Variants in ARHGAP22 observed in about 807,000 individuals in gnomAD.
ARHGAP22 encodes Rho GTPase activating protein 22, also known as rho GTPase-activating protein 22.
A neutral mutation model predicts 59.1 loss-of-function variants in ARHGAP22; 48 were observed. The ratio of observed to expected loss-of-function variants is 0.81; its 90% CI spans 0.64 to 1.03. The LOEUF is 1.03. Among genes scored for constraint, ARHGAP22 ranks in the 50% least tolerant of loss-of-function variants. ARHGAP22 has a pLI of 0.00. For synonymous variants in ARHGAP22, 445 were observed against 416.4 expected, an observed-to-expected ratio of 1.07 and a Z score of -0.84; for missense variants, 1,015 against 958.7, an observed-to-expected ratio of 1.06 and a Z score of -0.78.
chr10:48,592,826 T>C (rs906894001), intron 1 of ARHGAP22, among the ~76,000 whole-genome samples: 3 of 152,214 alleles, frequency 2.0e-5, no homozygotes, highest in Non-Finnish European at 4.4e-5. Flanking sequence ...CCCAGCTGCT[T>C]TGTTTCTCAC....
chr10:48,495,724 G>A (rs1259008367), intron 3 of ARHGAP22, among the ~76,000 whole-genome samples: 1 of 152,194 alleles, frequency 6.6e-6, no homozygotes, highest in African/African-American at 2.4e-5. Flanking sequence ...AATAGAATGT[G>A]GCAAAAATTG....
chr10:48,514,081 A>T (rs1332096648), intron 3 of ARHGAP22, among the ~76,000 whole-genome samples: 1 of 152,166 alleles, frequency 6.6e-6, no homozygotes, highest in Non-Finnish European at 1.5e-5. Flanking sequence ...GTAAACTTGA[A>T]GATAGGTTAA....
intron 4 of ARHGAP22, chr10:48,479,295 C>G (rs907903691): frequency 2.7e-5 from 11 of 407,356 alleles, no homozygotes; most frequent in South Asian, 1.5e-4. Context: ...CCCCTGGACA[C>G]CACGAGACAC....
In ARHGAP22 at chr10:48,585,976, G is replaced by A. The variant is rs529188713; in HGVS notation, c.35-2824C>T. On this transcript the variant is annotated intron_variant, in intron 1 of 9. Coordinates refer to ENST00000249601, the MANE Select transcript of ARHGAP22 (RefSeq NM_021226.4). The stretch of plus-strand genomic sequence containing the variant: ...ACAGCCCCCTCTGAAGCCCAACAGC[G>A]CCCTGAAACTGGGCTTGAGCTTCAC... Among the ~76,000 whole-genome samples, 72 of 152,198 alleles carry A rather than the reference G, an allele frequency of 4.7e-4. 2 individuals carry two copies. The highest frequency in any genetic ancestry group is 3.7e-3 in the Admixed American group (56 of 15,294).
At chr10:48,653,909 C>T (rs574032862), upstream of ARHGAP22, among the ~76,000 whole-genome samples, 5 of 152,258 alleles carry the variant, frequency 3.3e-5, no homozygotes, top group African/African-American at 9.6e-5. Flanking sequence ...CTAAATATTG[C>T]GTGGGACATA....
upstream of ARHGAP22, among the ~76,000 whole-genome samples, chr10:48,653,587 G>A (rs1267525221): frequency 1.3e-5 from 2 of 152,242 alleles, no homozygotes; most frequent in Admixed American, 6.5e-5. Context: ...GGCAGCAGGC[G>A]AGCACTCAAC....
chr10:48,652,407 G>T, exon 1 of ARHGAP22: 2 of 814,364 alleles, frequency 2.5e-6, no homozygotes, highest in Middle Eastern at 2.3e-4. Flanking sequence ...CTATAGAAAA[G>T]AAATATATTT....
chr10:48,457,584 C>T (rs1008109465), intron 5 of ARHGAP22, among the ~76,000 whole-genome samples: 1 of 152,148 alleles, frequency 6.6e-6, no homozygotes, highest in African/African-American at 2.4e-5. Context: ...GGCTCCGGCC[C>T]ACAGGAGGCT....
intron 4 of ARHGAP22, among the ~76,000 whole-genome samples, chr10:48,469,127 C>A (rs189811516): frequency 1.7e-4 from 26 of 152,346 alleles, no homozygotes; most frequent in African/African-American, 6.3e-4. Flanking sequence ...GGTTTCCCTG[C>A]CTGTGTCTTC....
intron 2 of ARHGAP22, among the ~76,000 whole-genome samples, chr10:48,562,898 C>T (rs955716720): frequency 6.6e-6 from 1 of 152,158 alleles, no homozygotes; most frequent in Non-Finnish European, 1.5e-5. Context: ...AATGTAGCGG[C>T]TCAAAACAAC....
At chr10:48,573,871 T>A (rs2058547778) in intron 2 of ARHGAP22, among the ~76,000 whole-genome samples, 1 of 152,144 alleles carries the variant, frequency 6.6e-6, no homozygotes, top group African/African-American at 2.4e-5. Flanking sequence ...TTCCAAATAT[T>A]ATGGTTTTTT....
intron 2 of ARHGAP22, among the ~76,000 whole-genome samples, chr10:48,568,020 C>T (rs1305878310): frequency 1.3e-5 from 2 of 152,068 alleles, no homozygotes; most frequent in Non-Finnish European, 2.9e-5. Flanking sequence ...CTGGTAAATC[C>T]ATTTAACTAA....
At chr10:48,630,973 GT>G (rs1276079184) in intron 1 of ARHGAP22, among the ~76,000 whole-genome samples, 2 of 152,200 alleles carry the variant, frequency 1.3e-5, no homozygotes, top group African/African-American at 4.8e-5. Context: ...TTTGCTAAAA[GT>G]TTTTATCATG....
At chr10:48,522,658 C>T (rs1396446050) in intron 3 of ARHGAP22, among the ~76,000 whole-genome samples, 1 of 152,236 alleles carries the variant, frequency 6.6e-6, no homozygotes, top group Non-Finnish European at 1.5e-5. Context: ...CCTCTAAACC[C>T]TACTGCAGCC....
the ARHGAP22 span, chr10:48,430,061 A>T: frequency 6.6e-6 from 1 of 152,180 alleles, no homozygotes; most frequent in African/African-American, 2.4e-5. Flanking sequence ...CCTTAAGTAG[A>T]CATTAAGAAC....
chr10:48,584,993 CA>C (rs34230451), intron 1 of ARHGAP22, among the ~76,000 whole-genome samples: 11,130 of 137,498 alleles, frequency 0.081, 455 homozygotes, highest in Middle Eastern at 0.13. Context: ...GACTCAGTCT[CA>C]AAAAAAAAAA....
intron 1 of ARHGAP22, among the ~76,000 whole-genome samples, chr10:48,626,477 T>C (rs1000388756): frequency 2.6e-5 from 4 of 152,198 alleles, no homozygotes; most frequent in Non-Finnish European, 5.9e-5. Flanking sequence ...AGGTGCTACA[T>C]TGATATTTGT....
intron 1 of ARHGAP22, among the ~76,000 whole-genome samples, chr10:48,590,082 G>A (rs549777857): frequency 7.2e-4 from 110 of 152,196 alleles, no homozygotes; most frequent in African/African-American, 2.6e-3. Flanking sequence ...GCAGTGTCAT[G>A]GGTGGAGGGG....
chr10:48,606,794 C>T (rs2060694343), upstream of ARHGAP22, among the ~76,000 whole-genome samples: 1 of 152,216 alleles, frequency 6.6e-6, no homozygotes, highest in Non-Finnish European at 1.5e-5. Flanking sequence ...CCTGATTCCA[C>T]CAGCAGAATG....
Sources: allele counts gnomAD v4.1 joint callset (sites outside exome capture counted in the v4.1 genomes callset), GRCh38; gene constraint gnomAD v4.1.1; transcripts MANE v1.5; gene names NCBI Gene and HGNC (gene_info 2026-07-23, HGNC 2026-07-21).